Variants in SERPINA12 observed in about 807,000 individuals in gnomAD.
SERPINA12 encodes serpin A12.
Under a neutral mutation model 25.9 loss-of-function variants are expected in SERPINA12, and 21 were observed. That is an observed-to-expected ratio of 0.81 (90% CI 0.58 to 1.17). SERPINA12 has a LOEUF of 1.17. Ranked by LOEUF, SERPINA12 falls within the 50% of genes most tolerant of loss-of-function variation. SERPINA12 has a pLI of 0.00. For synonymous variants in SERPINA12, 220 were observed against 196.0 expected, an observed-to-expected ratio of 1.12 and a Z score of -1.02; for missense variants, 562 against 508.3, an observed-to-expected ratio of 1.11 and a Z score of -1.02.
At chr14:94,497,492 C>T (rs1157302551) in intron 2 of SERPINA12, among the ~76,000 whole-genome samples, 1 of 152,162 alleles carries the variant, frequency 6.6e-6, no homozygotes, top group Non-Finnish European at 1.5e-5. Flanking sequence ...GTCATTCCAA[C>T]CTCTATAACC....
At position 94,501,852 on chromosome 14, in the gene SERPINA12, A is replaced by G. The variant is rs191992170; in HGVS notation, c.-33-3422T>C. Among the ~76,000 whole-genome samples the G allele has an allele frequency of 2.7e-3, 416 of 151,980 alleles. 1 individual carries two copies. Among genetic ancestry groups the G allele is most frequent in the African/African-American group, 9.6e-3 (396 of 41,410 alleles). On this transcript the variant is annotated intron_variant, in intron 1 of 4. Transcript: ENST00000677451. The stretch of plus-strand genomic sequence containing the variant: ...CACCAGCCCCATTCCGGGCCTTTCC[A>G]TCTGTCATCACGGGCTTTAAACTGA...
intron 1 of SERPINA12, chr14:94,500,976 C>T (rs572771514): frequency 5.1e-6 from 5 of 984,194 alleles, no homozygotes; most frequent in East Asian, 1.1e-4. Flanking sequence ...GCACTTCCCT[C>T]TCTGAACCTG....
intron 3 of SERPINA12, among the ~76,000 whole-genome samples, chr14:94,494,489 T>G (rs899020497): frequency 3.8e-4 from 58 of 152,256 alleles, no homozygotes; most frequent in Non-Finnish European, 6.5e-4. Flanking sequence ...GTCACATTTA[T>G]GGAAGGGGGG....
intron 1 of SERPINA12, chr14:94,501,132 C>CA (rs1194618275): frequency 1.1e-4 from 107 of 985,224 alleles, no homozygotes; most frequent in Non-Finnish European, 1.2e-4. Context: ...TTCAGATAAA[C>CA]AAAAGAAAAT....
chr14:94,493,580 T>C (rs908906869), intron 3 of SERPINA12, among the ~76,000 whole-genome samples: 32 of 152,096 alleles, frequency 2.1e-4, no homozygotes, highest in African/African-American at 6.8e-4. Context: ...AAGACGCCAC[T>C]GAGAGCAGCC....
intron 1 of SERPINA12, among the ~76,000 whole-genome samples, chr14:94,506,958 C>T (rs1245180644): frequency 6.6e-6 from 1 of 152,206 alleles, no homozygotes; most frequent in Admixed American, 6.5e-5. Context: ...GACAGACAAG[C>T]TGACCAATGG....
At chr14:94,496,345 A>C (rs762368640) in intron 3 of SERPINA12, 28 bp downstream of exon 3, 2 of 1,613,386 alleles carry the variant, frequency 1.2e-6, no homozygotes, top group Middle Eastern at 1.7e-4. Flanking sequence ...AGAAGGAAAA[A>C]GCTGCGAGGG....
chr14:94,505,305 C>G (rs773370370), intron 1 of SERPINA12, among the ~76,000 whole-genome samples: 6 of 152,240 alleles, frequency 3.9e-5, no homozygotes, highest in Non-Finnish European at 7.3e-5. Flanking sequence ...GCCACAGACT[C>G]TATGCACTCA....
chr14:94,509,900 G>A (rs1195838052), upstream of SERPINA12: 2 of 826,068 alleles, frequency 2.4e-6, no homozygotes, highest in Non-Finnish European at 2.9e-6. Flanking sequence ...TCCTTCCCTG[G>A]GACAGGACAG....
At position 94,492,192 on chromosome 14, in the gene SERPINA12, G is replaced by C. The variant is rs117562338; in HGVS notation, c.906-2425C>G. On this transcript the variant is annotated intron_variant, in intron 3 of 4. Transcript: ENST00000677451. ...GCAACACAGACACCCTTGGGACCCTGGGAAGGGAGCTTTCTGTGAGAAGTG... is the reference window on the plus strand; with the variant it reads ...GCAACACAGACACCCTTGGGACCCTCGGAAGGGAGCTTTCTGTGAGAAGTG... 4.6e-4 allele frequency among the ~76,000 whole-genome samples: 70 copies of C among 152,290 alleles called. No individual in the cohort carries two copies. In the East Asian group the frequency reaches 0.013, roughly 28 times the overall value.
exon 2 of SERPINA12, chr14:94,516,038 C>T (rs915278507): frequency 2.0e-5 from 3 of 152,524 alleles, no homozygotes; most frequent in African/African-American, 4.8e-5. Context: ...GGCATGATGC[C>T]GCCAGAACTT....
intron 1 of SERPINA12, among the ~76,000 whole-genome samples, chr14:94,499,756 A>G (rs2139855325): frequency 6.6e-6 from 1 of 152,222 alleles, no homozygotes; most frequent in East Asian, 1.9e-4. Flanking sequence ...GGGAAGTGGG[A>G]TGGAAAAGGG....
At chr14:94,514,416 G>C (rs535577764), upstream of SERPINA12, among the ~76,000 whole-genome samples, 82 of 152,328 alleles carry the variant, frequency 5.4e-4, no homozygotes, top group African/African-American at 1.9e-3. Context: ...CACAGCTACT[G>C]GTGGGCACTC....
intron 3 of SERPINA12, among the ~76,000 whole-genome samples, chr14:94,490,037 A>G (rs3736806): frequency 0.096 from 14,665 of 152,088 alleles, 828 homozygotes; most frequent in Middle Eastern, 0.16. Context: ...CCCGTCTCAG[A>G]GCCCCTTCAG....
At position 94,487,389 on chromosome 14, in the gene SERPINA12, C is replaced by T. The variant is rs1156910083; in HGVS notation, c.1159G>A (p.Asp387Asn). The T allele has an allele frequency of 1.9e-6, 3 of 1,614,158 alleles. No homozygotes were observed. The highest frequency in any genetic ancestry group is 3.3e-5 in the Admixed American group (2 of 60,018). ...PMETPLVVKI[D>N]KPYLLLIYSE... ...TAAATCAGCAGCAGATAGGGTTTGT[C>T]TATCTTGACGACGAGTGGTGTCTCC... Residue 387 changes from aspartate to asparagine, a missense_variant, in exon 5 of 5, where the codon GAC becomes AAC. Asp to Asn is a conservative substitution (Grantham distance 23). Transcript: ENST00000677451.
chr14:94,490,095 C>G (rs1204743065), intron 3 of SERPINA12, among the ~76,000 whole-genome samples: 1 of 152,136 alleles, frequency 6.6e-6, no homozygotes, highest in Non-Finnish European at 1.5e-5. Context: ...CATGCCTGAG[C>G]CCTGAGCCCA....
intron 3 of SERPINA12, among the ~76,000 whole-genome samples, chr14:94,493,212 C>G (rs528675444): frequency 6.6e-6 from 1 of 152,180 alleles, no homozygotes; most frequent in African/African-American, 2.4e-5. Flanking sequence ...ACTTATCTCC[C>G]AGAAATAATG....
At chr14:94,487,629 AG>A in intron 4 of SERPINA12, 135 bp from the exon 5 acceptor site, 4 of 610,778 alleles carry the variant, frequency 6.5e-6, no homozygotes, top group Non-Finnish European at 8.2e-6. Flanking sequence ...GGTTTACTCC[AG>A]GGTTCCTGGC....
rs564570642 is a variant in SERPINA12, at chr14:94,496,410, C to T, written c.868G>A (p.Asp290Asn). The stretch of plus-strand genomic sequence containing the variant: ...AATGTTTTCCATCTGGAGAAAGTGT[C>T]CACCTGCAATCCCTTCTCCAAGTGC... ...LKHLEKGLQV[D>N]TFSRWKTLLS... Residue 290 changes from aspartate to asparagine, a missense_variant, in exon 3 of 5, where the codon GAC becomes AAC. Asp to Asn is a conservative substitution (Grantham distance 23). Transcript: ENST00000677451. 6.2e-7 allele frequency: 1 copy of T among 1,614,162 alleles called. No homozygotes were observed. The highest frequency in any genetic ancestry group is 1.1e-5 in the South Asian group (1 of 91,076).
Sources: gnomAD v4.1 joint callset for allele counts (sites outside exome capture counted in the v4.1 genomes callset) on GRCh38, gnomAD v4.1.1 for gene constraint, MANE v1.5 for transcripts, NCBI Gene and HGNC (gene_info 2026-07-23, HGNC 2026-07-21) for gene names.